The following CTCF variants were observed in gnomAD, a reference collection of about 807,000 sequenced individuals.
The protein encoded by CTCF is transcriptional repressor CTCF.
CTCF carries 7 observed loss-of-function variants against 72.3 expected under a neutral mutation model. The observed-to-expected ratio is 0.10, with a 90% confidence interval of 0.06 to 0.18. The LOEUF (loss-of-function observed/expected upper bound fraction) is 0.18. CTCF is among the 10% of genes least tolerant of loss of function. The pLI, the probability that CTCF is intolerant of heterozygous loss-of-function variation, is 1.00. For missense variants in CTCF, 516 were observed against 949.1 expected, an observed-to-expected ratio of 0.54 and a Z score of 6.00; for synonymous variants, 374 against 315.8, an observed-to-expected ratio of 1.18 and a Z score of -1.95.
chr16:67,637,815 A>T lies in CTCF; in HGVS notation c.2127A>T (p.Thr709=). 1 of 1,612,878 alleles carries T rather than the reference A, an allele frequency of 6.2e-7. No homozygotes were observed. The highest frequency in any genetic ancestry group is 1.3e-5 in the African/African-American group (1 of 75,044). ...GEEEEAQPAA[T]DAPNGDLTPE... is the part of the protein sequence containing the mutation. ...AAGAGGAGGCCCAGCCAGCTGCCACAGATGCCCCCAACGGAGACCTCACGC... is the reference window on the plus strand; with the variant it reads ...AAGAGGAGGCCCAGCCAGCTGCCACTGATGCCCCCAACGGAGACCTCACGC... The change falls in exon 12 of 12, where the codon ACA becomes ACT. Residue 709 remains threonine, a synonymous_variant. Coordinates refer to ENST00000264010, the MANE Select transcript of CTCF (RefSeq NM_006565.4).
At chr16:67,631,128 T>C (rs974938354) in intron 10 of CTCF, among the ~76,000 whole-genome samples, 1 of 151,858 alleles carries the variant, frequency 6.6e-6, no homozygotes, top group African/African-American at 2.4e-5. Flanking sequence ...TTAGTGACTT[T>C]ATTGGGCTTT....
At chr16:67,601,852 TG>T (rs976375273) in intron 2 of CTCF, among the ~76,000 whole-genome samples, 1 of 150,158 alleles carries the variant, frequency 6.7e-6, no homozygotes, top group African/African-American at 2.4e-5. Flanking sequence ...TGGACTCGGT[TG>T]TTTACAAGCA....
chr16:67,591,104 C>T (rs1482515034), intron 2 of CTCF, among the ~76,000 whole-genome samples: 2 of 151,892 alleles, frequency 1.3e-5, no homozygotes, highest in Non-Finnish European at 2.9e-5. Flanking sequence ...ACTAGCCTAG[C>T]CAACATGATG....
intron 10 of CTCF, among the ~76,000 whole-genome samples, chr16:67,630,456 T>A (rs1053720144): frequency 1.3e-5 from 2 of 152,186 alleles, no homozygotes; most frequent in African/African-American, 4.8e-5. Context: ...AGGTTGTGCT[T>A]AGAAGTGCCA....
intron 8 of CTCF, chr16:67,627,037 C>T (rs117327757): frequency 0.034 from 7,182 of 210,320 alleles, 164 homozygotes; most frequent in Non-Finnish European, 0.052. Flanking sequence ...AGAAGGAGCT[C>T]AGCAGGAATA....
At chr16:67,622,218 T>C (rs1295512706) in intron 7 of CTCF, among the ~76,000 whole-genome samples, 2 of 151,844 alleles carry the variant, frequency 1.3e-5, no homozygotes, top group Admixed American at 6.6e-5. Flanking sequence ...TAACTGGGCA[T>C]GGTGGTGGGC....
chr16:67,601,707 T>C (rs1182135276), intron 2 of CTCF, among the ~76,000 whole-genome samples: 2 of 152,104 alleles, frequency 1.3e-5, no homozygotes, highest in African/African-American at 4.8e-5. Context: ...TTGTGGACTT[T>C]ATGCCATGTG....
chr16:67,574,403 G>A (rs1205306600), intron 2 of CTCF, among the ~76,000 whole-genome samples: 2 of 152,002 alleles, frequency 1.3e-5, no homozygotes, highest in African/African-American at 4.8e-5. Flanking sequence ...GTGCAGTGGC[G>A]TGATCTCGGC....
intron 2 of CTCF, among the ~76,000 whole-genome samples, chr16:67,582,473 G>A (rs1271203054): frequency 6.6e-6 from 1 of 151,918 alleles, no homozygotes; most frequent in Non-Finnish European, 1.5e-5. Flanking sequence ...CGAACGGATC[G>A]CTTGAGTTCA....
chr16:67,612,149 A>G (rs2142829475), intron 4 of CTCF, 28 bp downstream of exon 4: 1 of 1,588,904 alleles, frequency 6.3e-7, no homozygotes, highest in Non-Finnish European at 8.6e-7. Flanking sequence ...TGGGGGCTAC[A>G]ACAGCAAATG....
intron 1 of CTCF, among the ~76,000 whole-genome samples, chr16:67,564,412 G>A (rs2051317123): frequency 6.6e-6 from 1 of 152,214 alleles, no homozygotes; most frequent in South Asian, 2.1e-4. Flanking sequence ...TCCACTGTAT[G>A]TAATCTCAAT....
At chr16:67,630,830 T>G (rs1168817523) in intron 10 of CTCF, among the ~76,000 whole-genome samples, 1 of 152,156 alleles carries the variant, frequency 6.6e-6, no homozygotes, top group African/African-American at 2.4e-5. Context: ...AGGCCACATT[T>G]AATTACACAA....
intron 2 of CTCF, among the ~76,000 whole-genome samples, chr16:67,605,588 G>T (rs1020258668): frequency 6.6e-6 from 1 of 152,234 alleles, no homozygotes; most frequent in Non-Finnish European, 1.5e-5. Context: ...GGGGTTTGCT[G>T]AATCTGTCCA....
intron 2 of CTCF, among the ~76,000 whole-genome samples, chr16:67,590,396 A>G (rs1244721075): frequency 1.3e-5 from 2 of 152,104 alleles, no homozygotes; most frequent in East Asian, 3.9e-4. Flanking sequence ...TTAACAAAAT[A>G]CTAGAATGCT....
At chr16:67,575,244 C>A (rs1473690909) in intron 2 of CTCF, among the ~76,000 whole-genome samples, 1 of 152,092 alleles carries the variant, frequency 6.6e-6, no homozygotes, top group Non-Finnish European at 1.5e-5. Flanking sequence ...CAGAGTAAGA[C>A]CCTGTCTCAA....
At chr16:67,574,310 C>T (rs2051465827) in intron 2 of CTCF, among the ~76,000 whole-genome samples, 1 of 152,128 alleles carries the variant, frequency 6.6e-6, no homozygotes, top group Admixed American at 6.6e-5. Context: ...CAAGGAAACA[C>T]TTCTTTAGAT....
At chr16:67,591,033 C>G (rs1226449142) in intron 2 of CTCF, among the ~76,000 whole-genome samples, 1 of 150,208 alleles carries the variant, frequency 6.7e-6, no homozygotes, top group African/African-American at 2.5e-5. Context: ...GCGTGAGCCA[C>G]CGTAATCCCA....
chr16:67,578,160 T>C (rs537828401), intron 2 of CTCF, among the ~76,000 whole-genome samples: 2 of 152,156 alleles, frequency 1.3e-5, no homozygotes, highest in Admixed American at 6.6e-5. Flanking sequence ...TGTAAGAACA[T>C]GAGGGGGAAA....
At chr16:67,591,728 G>T (rs914655562) in intron 2 of CTCF, among the ~76,000 whole-genome samples, 1 of 151,776 alleles carries the variant, frequency 6.6e-6, no homozygotes, top group Non-Finnish European at 1.5e-5. Flanking sequence ...TTTTGGGGGG[G>T]GGCAGTAAGG....
Sources: allele counts gnomAD v4.1 joint callset (sites outside exome capture counted in the v4.1 genomes callset), GRCh38; gene constraint gnomAD v4.1.1; transcripts MANE v1.5; gene names NCBI Gene and HGNC (gene_info 2026-07-23, HGNC 2026-07-21).